The following MDGA2 variants were observed in gnomAD, a reference collection of about 807,000 sequenced individuals.
MDGA2 encodes MAM domain containing glycosylphosphatidylinositol anchor 2, also known as MAM domain-containing glycosylphosphatidylinositol anchor protein 2.
MDGA2 carries 40 observed loss-of-function variants against 117.8 expected under a neutral mutation model. The ratio of observed to expected loss-of-function variants is 0.34; its 90% CI spans 0.26 to 0.44. The LOEUF (loss-of-function observed/expected upper bound fraction) is 0.44, where lower values mean the gene tolerates loss of function less well. Among genes scored for constraint, MDGA2 ranks in the 20% least tolerant of loss-of-function variants. MDGA2 has a pLI of 1.00. For missense variants in MDGA2, 1,123 were observed against 1,250.6 expected, an observed-to-expected ratio of 0.90 and a Z score of 1.54; for synonymous variants, 452 against 439.0, an observed-to-expected ratio of 1.03 and a Z score of -0.37.
intron 8 of MDGA2, among the ~76,000 whole-genome samples, chr14:47,029,865 T>C (rs1020911840): frequency 9.9e-5 from 15 of 152,106 alleles, no homozygotes; most frequent in Admixed American, 9.2e-4. Context: ...TATTGCTCTG[T>C]CACTCATGCT....
chr14:47,204,472 T>A (rs775946518), intron 3 of MDGA2, among the ~76,000 whole-genome samples: 2 of 152,036 alleles, frequency 1.3e-5, no homozygotes, highest in African/African-American at 2.4e-5. Context: ...TGAAAAAGTA[T>A]ATAATAATCA....
intron 1 of MDGA2, among the ~76,000 whole-genome samples, chr14:47,348,771 A>G (rs1890817137): frequency 1.3e-5 from 2 of 152,280 alleles, no homozygotes; most frequent in South Asian, 4.1e-4. Flanking sequence ...AATTGGTGGC[A>G]AGAACTTAAG....
At chr14:47,081,977 A>G (rs1234752878) in intron 6 of MDGA2, among the ~76,000 whole-genome samples, 1 of 152,082 alleles carries the variant, frequency 6.6e-6, no homozygotes, top group Non-Finnish European at 1.5e-5. Context: ...AGATAGCAAA[A>G]GCTCCTTTAA....
chr14:47,562,292 C>G (rs1895831802), intron 1 of MDGA2, among the ~76,000 whole-genome samples: 1 of 152,166 alleles, frequency 6.6e-6, no homozygotes, highest in South Asian at 2.1e-4. Context: ...GGAATAGTTT[C>G]AGTAGGAATG....
At chr14:47,454,318 T>C (rs1251820920) in intron 1 of MDGA2, among the ~76,000 whole-genome samples, 2 of 152,114 alleles carry the variant, frequency 1.3e-5, no homozygotes, top group African/African-American at 4.8e-5. Context: ...TTATTTACGA[T>C]GAAGGGGAAG....
chr14:47,391,323 G>T (rs967029445), intron 1 of MDGA2, among the ~76,000 whole-genome samples: 12 of 152,152 alleles, frequency 7.9e-5, no homozygotes, highest in Admixed American at 2.6e-4. Context: ...ATGTGACAGC[G>T]ATTTCTCATT....
At chr14:47,496,816 C>A (rs1012232841) in intron 1 of MDGA2, among the ~76,000 whole-genome samples, 1 of 151,430 alleles carries the variant, frequency 6.6e-6, no homozygotes, top group South Asian at 2.1e-4. Flanking sequence ...TAAAATAAAA[C>A]AATGGTCCCC....
At chr14:47,077,791 G>A (rs1981283) in intron 6 of MDGA2, among the ~76,000 whole-genome samples, 127,759 of 151,932 alleles carry the variant, frequency 0.84, 54,069 homozygotes, top group East Asian at 0.97. Context: ...CAACCAAAAT[G>A]ATAAGGAAAA....
intron 1 of MDGA2, among the ~76,000 whole-genome samples, chr14:47,606,729 A>T (rs1211694144): frequency 6.6e-6 from 1 of 152,196 alleles, no homozygotes. Context: ...CACTGGGAAG[A>T]AATGGTTTGT....
chr14:46,923,232 T>G (rs7155224), intron 9 of MDGA2, among the ~76,000 whole-genome samples: 51,944 of 152,006 alleles, frequency 0.34, 10,565 homozygotes, highest in African/African-American at 0.54. Context: ...TTTAATTGCA[T>G]GCTCTCACAA....
Position 47,675,003 on chromosome 14 carries a change from C to T in MDGA2, c.-207G>A, listed in dbSNP as rs1411205026. 9.6e-6 allele frequency: 3 copies of T among 314,120 alleles called. No individual in the cohort carries two copies. The highest frequency in any genetic ancestry group is 1.4e-4 in the South Asian group (1 of 7,162). 19.5% of individuals were successfully genotyped at this position (314,120 alleles called of 1,614,324 possible). On this transcript the variant is annotated 5_prime_UTR_variant, in exon 1 of 17. Coordinates refer to ENST00000399232, the MANE Select transcript of MDGA2 (RefSeq NM_001113498.3). ...GTCTCCGCAGCTGCGGCGGCGGCGG[C>T]GGCGCGCTGGGCCGGCGGCGGGCGC...
rs974516302 is a variant in MDGA2 at position 46,855,362 on chromosome 14, G to A, written c.2753-208C>T. Among the ~76,000 whole-genome samples the A allele has an allele frequency of 1.3e-5, 2 of 152,076 alleles. No homozygotes were observed. Among genetic ancestry groups the A allele is most frequent in the African/African-American group, 4.8e-5 (2 of 41,416 alleles). ...ACCATCTCCTAATTCCCTAGAACAT[G>A]TGCATGTTGCCTGATATTGCAAAAG... On this transcript the variant is annotated intron_variant, in intron 14 of 16. Coordinates refer to ENST00000399232, the MANE Select transcript of MDGA2 (RefSeq NM_001113498.3). This position sits in a 1 kb window ranked among gnomAD's most constrained non-coding sequence, Gnocchi z 4.1.
chr14:47,036,906 A>G (rs577708617), intron 7 of MDGA2, among the ~76,000 whole-genome samples: 1 of 152,306 alleles, frequency 6.6e-6, no homozygotes, highest in Non-Finnish European at 1.5e-5. Flanking sequence ...TAATTACATA[A>G]TGCATAACGT....
chr14:47,216,561 A>G (rs2139504860), intron 3 of MDGA2, among the ~76,000 whole-genome samples: 1 of 152,264 alleles, frequency 6.6e-6, no homozygotes, highest in South Asian at 2.1e-4. Context: ...TTGCTTATAA[A>G]AGTTACAAAC....
chr14:47,430,943 C>T (rs1892785813), intron 1 of MDGA2, among the ~76,000 whole-genome samples: 1 of 152,016 alleles, frequency 6.6e-6, no homozygotes, highest in Non-Finnish European at 1.5e-5. Flanking sequence ...TGAGTGCACA[C>T]TCATCCATGT....
chr14:47,246,664 C>G lies in MDGA2; in HGVS notation c.421-28469G>C, dbSNP rs532003426. On this transcript the variant is annotated intron_variant, in intron 2 of 16. Coordinates refer to ENST00000399232, the MANE Select transcript of MDGA2 (RefSeq NM_001113498.3). The stretch of plus-strand genomic sequence containing the variant: ...GAAGACTAGTAATAAGGTCAACAAA[C>G]TGCAAAAACCAAATGACTCCTCCCT... 3.7e-4 allele frequency among the ~76,000 whole-genome samples: 56 copies of G among 151,730 alleles called. 1 individual carries two copies. The highest frequency in any genetic ancestry group is 1.1e-3 in the African/African-American group (46 of 41,482).
chr14:47,321,142 GCT>G (rs1275328975), intron 1 of MDGA2, among the ~76,000 whole-genome samples: 5 of 152,152 alleles, frequency 3.3e-5, no homozygotes, highest in Non-Finnish European at 7.3e-5. Flanking sequence ...TTAGCTGTCT[GCT>G]CTGTCTTAGC....
intron 11 of MDGA2, 48 bp downstream of exon 11, chr14:46,881,996 A>G: frequency 7.6e-7 from 1 of 1,316,798 alleles, no homozygotes; most frequent in Non-Finnish European, 9.9e-7. Context: ...AAAATTTTCC[A>G]TATAGTTAAA....
chr14:47,276,799 C>T (rs1394977818), intron 2 of MDGA2, among the ~76,000 whole-genome samples: 2 of 152,106 alleles, frequency 1.3e-5, no homozygotes, highest in Admixed American at 6.6e-5. Flanking sequence ...ATTACAACAG[C>T]AATTTATTTT....
Sources: gnomAD v4.1 joint callset for allele counts (sites outside exome capture counted in the v4.1 genomes callset) on GRCh38, gnomAD v4.1.1 for gene constraint, Gnocchi (gnomAD v3.1) non-coding constraint, MANE v1.5 for transcripts, NCBI Gene and HGNC (gene_info 2026-07-23, HGNC 2026-07-21) for gene names.